Variants in GALNT7 observed in about 807,000 individuals in gnomAD.
The protein encoded by GALNT7 is polypeptide N-acetylgalactosaminyltransferase 7.
Under a neutral mutation model 82.1 loss-of-function variants are expected in GALNT7, and 60 were observed. That is an observed-to-expected ratio of 0.73 (90% CI 0.59 to 0.91). GALNT7 has a LOEUF of 0.91. Among genes scored for constraint, GALNT7 ranks in the 40% least tolerant of loss-of-function variants. GALNT7 has a pLI of 0.00. For missense variants in GALNT7, 660 were observed against 804.2 expected (o/e 0.82, Z 2.17); for synonymous variants, 243 against 275.1 (o/e 0.88, Z 1.15).
intron 1 of GALNT7, among the ~76,000 whole-genome samples, chr4:173,203,777 A>AATATATATTTTATAT (rs1733013013): frequency 6.6e-6 from 1 of 152,174 alleles, no homozygotes; most frequent in Non-Finnish European, 1.5e-5. Context: ...TTGATGCCAC[A>AATATATATTTTATAT]ATTTATATTT....
At chr4:173,284,268 C>G (rs1044125575) in intron 2 of GALNT7, among the ~76,000 whole-genome samples, 3 of 152,140 alleles carry the variant, frequency 2.0e-5, no homozygotes, top group African/African-American at 7.2e-5. Flanking sequence ...TAAAATAAGA[C>G]AACAATTGTC....
chr4:173,180,326 C>CTTT lies in GALNT7; in HGVS notation c.126+11381_126+11383dup, dbSNP rs10687213. On this transcript the variant is annotated intron_variant, in intron 1 of 11. Transcript: ENST00000265000. ...AATATATTTCATCATATTGGAGTTC[C>CTTT]TTTTTTTTTTTTTTTTTTGAGATGG... Among the ~76,000 whole-genome samples the CTTT allele has an allele frequency of 4.5e-3, 553 of 123,148 alleles. 10 individuals carry two copies. The highest frequency in any genetic ancestry group is 5.7e-3 in the Non-Finnish European group (351 of 61,228). 80.8% of individuals were successfully genotyped at this position (123,148 alleles called of 152,430 possible). A position where few individuals can be genotyped will look rare whatever the true frequency, so the allele number is the denominator to read the frequency against.
chr4:173,224,855 T>TA (rs1034021027), intron 1 of GALNT7, among the ~76,000 whole-genome samples: 99 of 148,352 alleles, frequency 6.7e-4, no homozygotes, highest in African/African-American at 1.9e-3. Context: ...TACTAAAAAT[T>TA]AAAAAAAAAA....
At chr4:173,301,143 A>G (rs564580136) in intron 6 of GALNT7, among the ~76,000 whole-genome samples, 1 of 152,200 alleles carries the variant, frequency 6.6e-6, no homozygotes, top group African/African-American at 2.4e-5. Context: ...TCAAAAAAAA[A>G]AGATTTTTTT....
Position 173,214,980 on chromosome 4 carries a change from T to C in GALNT7, c.127-33000T>C, listed in dbSNP as rs138107983. On this transcript the variant is annotated intron_variant, in intron 1 of 11. Coordinates refer to ENST00000265000, the MANE Select transcript of GALNT7 (RefSeq NM_017423.3). ...ATGGCCAAATGCCAGTTCTTATAGT[T>C]AAGTTGTGGCTTGGACATGTGGACC... Among the ~76,000 whole-genome samples, 588 of 152,278 alleles carry C rather than the reference T, an allele frequency of 3.9e-3. 1 individual carries two copies. Among genetic ancestry groups the C allele is most frequent in the African/African-American group, 0.012 (505 of 41,568 alleles).
chr4:173,216,888 G>A (rs1262417484), intron 1 of GALNT7, among the ~76,000 whole-genome samples: 4 of 150,290 alleles, frequency 2.7e-5, no homozygotes, highest in Admixed American at 1.3e-4. Flanking sequence ...CTGCCACCAC[G>A]CCTGGCTAAT....
chr4:173,298,840 CTT>C (rs1271782404), intron 6 of GALNT7, among the ~76,000 whole-genome samples: 1 of 152,160 alleles, frequency 6.6e-6, no homozygotes, highest in Non-Finnish European at 1.5e-5. Flanking sequence ...CAATACATGA[CTT>C]TAAAAAATGT....
Position 173,295,382 on chromosome 4 carries a change from A to AT in GALNT7, c.755-9dup. On this transcript the variant is annotated splice_polypyrimidine_tract_variant and intron_variant, in intron 3 of 11. Coordinates refer to ENST00000265000, the MANE Select transcript of GALNT7 (RefSeq NM_017423.3). ...TTCGTCTAATTTATAATATCGATTGATTTTTCTTAACAGAACACTTAAAAG... is the reference window on the plus strand; with the variant it reads ...TTCGTCTAATTTATAATATCGATTGATTTTTTCTTAACAGAACACTTAAAAG... 1 of 1,523,552 alleles carries AT rather than the reference A, an allele frequency of 6.6e-7. No homozygotes were observed. Among genetic ancestry groups the AT allele is most frequent in the South Asian group, 1.1e-5 (1 of 87,790 alleles). 94.4% of individuals were successfully genotyped at this position (1,523,552 alleles called of 1,614,324 possible).
chr4:173,183,059 C>CACACACACAT (rs1732317654), intron 1 of GALNT7, among the ~76,000 whole-genome samples: 1 of 130,512 alleles, frequency 7.7e-6, no homozygotes, highest in African/African-American at 3.4e-5. Context: ...CACACACACA[C>CACACACACAT]ACACACACAC....
intron 2 of GALNT7, among the ~76,000 whole-genome samples, chr4:173,260,862 AGAT>A (rs1735231491): frequency 6.6e-6 from 1 of 152,240 alleles, no homozygotes; most frequent in African/African-American, 2.4e-5. Context: ...AAAACAAGTA[AGAT>A]GATGATTTAC....
intron 2 of GALNT7, among the ~76,000 whole-genome samples, chr4:173,287,584 C>T (rs1388548392): frequency 3.9e-5 from 6 of 152,224 alleles, no homozygotes; most frequent in African/African-American, 7.2e-5. Context: ...GGAGGGGCAT[C>T]CCCCTTCACC....
rs892612502 is a variant in GALNT7, at chr4:173,312,223, A to G, written c.1390-1735A>G. On this transcript the variant is annotated intron_variant, in intron 8 of 11. Coordinates refer to ENST00000265000, the MANE Select transcript of GALNT7 (RefSeq NM_017423.3). The stretch of plus-strand genomic sequence containing the variant: ...ATTTTAGTTCATTTAGTGTTGCTAC[A>G]ACAGAACACCTGAGGCTGGGTAATT... 2.6e-5 allele frequency among the ~76,000 whole-genome samples: 4 copies of G among 152,256 alleles called. No individual in the cohort carries two copies. In the East Asian group the frequency reaches 7.7e-4, roughly 29 times the overall value.
Position 173,322,806 on chromosome 4 carries a change from G to T in GALNT7, c.*1089G>T, listed in dbSNP as rs1012418629. ...CCTGTGAAGCCAAGAGTGAACTGAT[G>T]TTTCATTTATATTTTCATCCAAATG... On this transcript the variant is annotated 3_prime_UTR_variant, in exon 12 of 12. Coordinates refer to ENST00000265000, the MANE Select transcript of GALNT7 (RefSeq NM_017423.3). 2 of 152,044 alleles carry T rather than the reference G, an allele frequency of 1.3e-5. No homozygotes were observed. Among genetic ancestry groups the T allele is most frequent in the African/African-American group, 4.8e-5 (2 of 41,390 alleles). The allele number at this position is 152,044 out of a possible 1,614,324, so 9.4% of individuals were successfully genotyped here. A position where few individuals can be genotyped will look rare whatever the true frequency, so the allele number is the denominator to read the frequency against.
At chr4:173,270,874 T>C (rs1170570715) in intron 2 of GALNT7, among the ~76,000 whole-genome samples, 1 of 152,232 alleles carries the variant, frequency 6.6e-6, no homozygotes, top group Non-Finnish European at 1.5e-5. Flanking sequence ...AGCAGTCTTC[T>C]TGGCAGCTGC....
At chr4:173,266,034 G>A (rs1325066395) in intron 2 of GALNT7, among the ~76,000 whole-genome samples, 2 of 152,148 alleles carry the variant, frequency 1.3e-5, no homozygotes, top group Non-Finnish European at 2.9e-5. Flanking sequence ...GAAGCAAATG[G>A]ATCACTTGAG....
At chr4:173,245,292 A>G (rs1226513590) in intron 1 of GALNT7, among the ~76,000 whole-genome samples, 2 of 152,122 alleles carry the variant, frequency 1.3e-5, no homozygotes, top group Non-Finnish European at 2.9e-5. Flanking sequence ...TGTCATTGAA[A>G]TAGTTGAATT....
chr4:173,295,269 C>T (rs1275700278), intron 3 of GALNT7, 127 bp from the exon 4 acceptor site: 2 of 640,878 alleles, frequency 3.1e-6, no homozygotes. Flanking sequence ...CTTGATAAAA[C>T]GTGCAATCTG....
intron 10 of GALNT7, among the ~76,000 whole-genome samples, chr4:173,317,957 G>T (rs1222073142): frequency 6.6e-6 from 1 of 152,174 alleles, no homozygotes. Flanking sequence ...TAGAATTAAT[G>T]TCTAATATAA....
At chr4:173,269,722 CCCT>C (rs1045462303) in intron 2 of GALNT7, among the ~76,000 whole-genome samples, 3 of 151,878 alleles carry the variant, frequency 2.0e-5, no homozygotes, top group East Asian at 1.9e-4. Context: ...ATTTAATCTT[CCCT>C]CCTCCTCCTC....
Sources: gnomAD v4.1 joint callset for allele counts (sites outside exome capture counted in the v4.1 genomes callset) on GRCh38, gnomAD v4.1.1 for gene constraint, MANE v1.5 for transcripts, NCBI Gene and HGNC (gene_info 2026-07-23, HGNC 2026-07-21) for gene names.